Variants in SYCP1 observed in about 807,000 individuals in gnomAD.
SYCP1 encodes synaptonemal complex protein 1.
A neutral mutation model predicts 153.1 loss-of-function variants in SYCP1; 64 were observed. The observed-to-expected ratio is 0.42, with a 90% CI of 0.34 to 0.51. The LOEUF (loss-of-function observed/expected upper bound fraction) is 0.51, where lower values mean the gene tolerates loss of function less well. SYCP1 is among the 20% of genes least tolerant of loss of function. The probability of loss-of-function intolerance (pLI) is 0.06; values close to 1 mark genes in which losing one functional copy is unlikely to be tolerated. For synonymous variants in SYCP1, 384 were observed against 341.8 expected (o/e 1.12, Z -1.36); for missense variants, 997 against 1,049.0 (o/e 0.95, Z 0.68).
intron 27 of SYCP1, among the ~76,000 whole-genome samples, chr1:114,951,470 A>G (rs1671100658): frequency 6.6e-6 from 1 of 152,240 alleles, no homozygotes. Flanking sequence ...ATATTTCTTT[A>G]CAAAATATTT....
chr1:114,877,987 A>G, intron 11 of SYCP1, 107 bp from the exon 12 acceptor site: 1 of 657,672 alleles, frequency 1.5e-6, no homozygotes. Flanking sequence ...TAAGTGGACC[A>G]GCTGAAAAGC....
Position 114,995,055 on chromosome 1 carries a change from C to A in SYCP1, c.*36C>A. The A allele has an allele frequency of 6.5e-7, 1 of 1,530,796 alleles. No individual in the cohort carries two copies. Among genetic ancestry groups the A allele is most frequent in the Non-Finnish European group, 8.8e-7 (1 of 1,142,854 alleles). 94.8% of individuals were successfully genotyped at this position (1,530,796 alleles called of 1,614,324 possible). A position where few individuals can be genotyped will look rare whatever the true frequency, so the allele number is the denominator to read the frequency against. ...TCAGTGTAGTTAAGGAGCCTAATAA[C>A]GTGAAACTTATAGTTAATATTTTGT... On this transcript the variant is annotated 3_prime_UTR_variant, in exon 32 of 32. Transcript: ENST00000369522.
At chr1:114,979,920 A>G (rs1253222213) in intron 28 of SYCP1, among the ~76,000 whole-genome samples, 1 of 151,854 alleles carries the variant, frequency 6.6e-6, no homozygotes, top group East Asian at 1.9e-4. Context: ...TAGTACATGT[A>G]GTTGCCTCTT....
chr1:114,945,282 T>C (rs1022160135), intron 25 of SYCP1, among the ~76,000 whole-genome samples: 1 of 152,066 alleles, frequency 6.6e-6, no homozygotes, highest in Non-Finnish European at 1.5e-5. Flanking sequence ...TTCTACCTTA[T>C]ATATTTTTAA....
At chr1:114,935,767 T>C (rs908404230) in intron 23 of SYCP1, among the ~76,000 whole-genome samples, 1 of 152,150 alleles carries the variant, frequency 6.6e-6, no homozygotes, top group Non-Finnish European at 1.5e-5. Flanking sequence ...CAGAGAATAC[T>C]ATAAACACCT....
At chr1:114,871,502 T>C (rs1424898260) in intron 8 of SYCP1, among the ~76,000 whole-genome samples, 1 of 152,152 alleles carries the variant, frequency 6.6e-6, no homozygotes, top group South Asian at 2.1e-4. Context: ...TTGCTGTCAT[T>C]AATTTCTTTT....
At chr1:114,924,764 A>G (rs1669147981) in intron 21 of SYCP1, among the ~76,000 whole-genome samples, 1 of 152,022 alleles carries the variant, frequency 6.6e-6, no homozygotes, top group South Asian at 2.1e-4. Flanking sequence ...GGGTAGGGAG[A>G]GGTAAGCATG....
intron 27 of SYCP1, among the ~76,000 whole-genome samples, chr1:114,954,157 A>AT (rs2101856678): frequency 1.3e-5 from 2 of 152,314 alleles, no homozygotes; most frequent in South Asian, 4.1e-4. Context: ...GTTATAGAAG[A>AT]TTCAATCAAA....
rs780710510 is a variant in SYCP1 at position 114,914,056 on chromosome 1, C to T, written c.1718+11C>T. 7.8e-6 allele frequency: 12 copies of T among 1,529,242 alleles called. 2 individuals carry two copies. In the South Asian group the frequency reaches 1.6e-4, roughly 21 times the overall value. The allele number at this position is 1,529,242 out of a possible 1,614,324, so 94.7% of individuals were successfully genotyped here. On this transcript the variant is annotated intron_variant, in intron 20 of 31. Transcript: ENST00000369522. ...AGAAACCCAATTAAGGCAAGACTAACAAATTGGCCTTTTTTTGTCTGGCAA... is the reference window on the plus strand; with the variant it reads ...AGAAACCCAATTAAGGCAAGACTAATAAATTGGCCTTTTTTTGTCTGGCAA...
chr1:114,979,616 T>C lies in SYCP1; in HGVS notation c.2383-1720T>C, dbSNP rs185089773. On this transcript the variant is annotated intron_variant, in intron 28 of 31. Coordinates refer to ENST00000369522, the MANE Select transcript of SYCP1 (RefSeq NM_003176.4). Reference sequence around the variant, plus strand: ...ATGAATCCAGAGAGCAGTAAAAAAATTGCTCTCATCAAAATTTTGTCATCA... The same window carrying C: ...ATGAATCCAGAGAGCAGTAAAAAAACTGCTCTCATCAAAATTTTGTCATCA... Among the ~76,000 whole-genome samples the C allele has an allele frequency of 6.8e-4, 103 of 151,794 alleles. 1 individual carries two copies. Among genetic ancestry groups the C allele is most frequent in the African/African-American group, 2.3e-3 (96 of 41,500 alleles).
At chr1:114,912,089 T>C (rs1668221700) in intron 18 of SYCP1, among the ~76,000 whole-genome samples, 1 of 151,972 alleles carries the variant, frequency 6.6e-6, no homozygotes, top group South Asian at 2.1e-4. Context: ...AGCATGATTT[T>C]CCCCTTTTGG....
intron 8 of SYCP1, among the ~76,000 whole-genome samples, chr1:114,862,002 T>C (rs1007977358): frequency 1.3e-5 from 2 of 151,978 alleles, no homozygotes; most frequent in African/African-American, 2.4e-5. Flanking sequence ...GGTTTCACCA[T>C]GTTAGCCAGG....
chr1:114,857,542 A>G (rs201262595), intron 5 of SYCP1, 45 bp downstream of exon 5: 9 of 1,375,340 alleles, frequency 6.5e-6, no homozygotes, highest in Admixed American at 2.0e-5. Context: ...TAATTGGAAT[A>G]TAACTTATTA....
At chr1:114,890,661 A>C (rs1268636583) in intron 15 of SYCP1, among the ~76,000 whole-genome samples, 1 of 152,184 alleles carries the variant, frequency 6.6e-6, no homozygotes, top group Non-Finnish European at 1.5e-5. Flanking sequence ...GGAAGGTAGC[A>C]TTAACAGTGA....
At chr1:114,876,515 A>T (rs1665546112) in intron 10 of SYCP1, among the ~76,000 whole-genome samples, 1 of 151,564 alleles carries the variant, frequency 6.6e-6, no homozygotes, top group Non-Finnish European at 1.5e-5. Flanking sequence ...TTTATATATA[A>T]GAATTATAGA....
intron 9 of SYCP1, among the ~76,000 whole-genome samples, chr1:114,875,482 A>G (rs1665457739): frequency 6.6e-6 from 1 of 151,764 alleles, no homozygotes. Flanking sequence ...GATGGTGTCC[A>G]TCTCCTGATC....
At chr1:114,929,415 A>G (rs1669482002) in intron 23 of SYCP1, among the ~76,000 whole-genome samples, 1 of 152,128 alleles carries the variant, frequency 6.6e-6, no homozygotes, top group Admixed American at 6.6e-5. Flanking sequence ...GTCATGCTAG[A>G]TTAAAAAAAT....
chr1:114,924,537 A>T (rs1001152094), intron 21 of SYCP1, among the ~76,000 whole-genome samples: 1 of 152,176 alleles, frequency 6.6e-6, no homozygotes, highest in Non-Finnish European at 1.5e-5. Flanking sequence ...GTCACATTCA[A>T]TGTGAAGCCT....
chr1:114,964,764 G>C (rs1318120780), intron 27 of SYCP1, among the ~76,000 whole-genome samples: 1 of 152,088 alleles, frequency 6.6e-6, no homozygotes, highest in Non-Finnish European at 1.5e-5. Flanking sequence ...TTTGGTTACT[G>C]AGCCTTGTAG....
Sources: allele counts gnomAD v4.1 joint callset (sites outside exome capture counted in the v4.1 genomes callset), GRCh38; gene constraint gnomAD v4.1.1; transcripts MANE v1.5; gene names NCBI Gene and HGNC (gene_info 2026-07-23, HGNC 2026-07-21).